ADGRB3: variants seen among roughly 807,000 people sequenced by gnomAD.
The protein encoded by ADGRB3 is brain-specific angiogenesis inhibitor 3.
In ADGRB3, 37 loss-of-function variants were observed where a neutral mutation model predicts 193.4. That is an observed-to-expected ratio of 0.19 (90% CI 0.15 to 0.25). The LOEUF is 0.25. ADGRB3 is among the 10% of genes least tolerant of loss of function. ADGRB3 has a pLI of 1.00. For missense variants in ADGRB3, 1,637 were observed against 1,852.9 expected, an observed-to-expected ratio of 0.88 and a Z score of 2.14; for synonymous variants, 690 against 644.2, an observed-to-expected ratio of 1.07 and a Z score of -1.08.
intron 3 of ADGRB3, among the ~76,000 whole-genome samples, chr6:68,713,186 G>A (rs1765433540): frequency 6.6e-6 from 1 of 151,780 alleles, no homozygotes; most frequent in South Asian, 2.1e-4. Flanking sequence ...CACCATGATG[G>A]AAATAAAATG....
At chr6:68,996,315 C>A (rs1014664365) in intron 11 of ADGRB3, among the ~76,000 whole-genome samples, 1 of 152,106 alleles carries the variant, frequency 6.6e-6, no homozygotes, top group Non-Finnish European at 1.5e-5. Flanking sequence ...ATTTCTGTGG[C>A]CTCTTCCTTT....
At chr6:68,927,813 A>G (rs1191740571) in intron 3 of ADGRB3, among the ~76,000 whole-genome samples, 1 of 152,144 alleles carries the variant, frequency 6.6e-6, no homozygotes, top group Non-Finnish European at 1.5e-5. Context: ...TAGTTACATC[A>G]GGACCTCATA....
At chr6:68,966,022 T>A (rs1198705213) in intron 8 of ADGRB3, among the ~76,000 whole-genome samples, 2 of 152,200 alleles carry the variant, frequency 1.3e-5, no homozygotes, top group Non-Finnish European at 2.9e-5. Flanking sequence ...CCTAGATATG[T>A]CAAACTCAAA....
In ADGRB3 at chr6:68,638,717, C is replaced by T. The variant is rs1461216725; in HGVS notation, c.42C>T (p.Thr14=). 3 of 1,614,064 alleles carry T rather than the reference C, an allele frequency of 1.9e-6. No homozygotes were observed. In the African/African-American group the frequency reaches 4.0e-5, roughly 22 times the overall value. The change falls in exon 3 of 32, where the codon ACC becomes ACT. Residue 14 remains threonine, a synonymous_variant. Transcript: ENST00000370598. ...ACCTGCTGATTTATATATTTTCCACCTATCTCCTGGTTATGTTTGGATTTA... is the reference window on the plus strand; with the variant it reads ...ACCTGCTGATTTATATATTTTCCACTTATCTCCTGGTTATGTTTGGATTTA... ...VRNLLIYIFS[T]YLLVMFGFNA...
chr6:68,647,425 T>C (rs1042670507), intron 3 of ADGRB3, among the ~76,000 whole-genome samples: 3 of 152,182 alleles, frequency 2.0e-5, no homozygotes, highest in African/African-American at 7.2e-5. Context: ...GGAAACTTTG[T>C]TTTTATTCTT....
intron 17 of ADGRB3, among the ~76,000 whole-genome samples, chr6:69,225,820 C>T (rs77583104): frequency 0.091 from 13,922 of 152,214 alleles, 691 homozygotes; most frequent in Middle Eastern, 0.24. Context: ...GTGTTATTCA[C>T]CACAACACCT....
At chr6:69,047,555 A>G (rs1190211801) in intron 13 of ADGRB3, among the ~76,000 whole-genome samples, 1 of 151,774 alleles carries the variant, frequency 6.6e-6, no homozygotes, top group Admixed American at 6.6e-5. Context: ...AATTTTAGAG[A>G]GAAGTTTTAA....
intron 17 of ADGRB3, among the ~76,000 whole-genome samples, chr6:69,084,871 T>C (rs1772500975): frequency 6.6e-6 from 1 of 152,064 alleles, no homozygotes; most frequent in Non-Finnish European, 1.5e-5. Flanking sequence ...GTGACTAAAG[T>C]ATGGGAGGTG....
chr6:69,197,371 G>A (rs934789986), intron 17 of ADGRB3, among the ~76,000 whole-genome samples: 45 of 151,572 alleles, frequency 3.0e-4, no homozygotes, highest in African/African-American at 1.0e-3. Context: ...TTTATGTTGG[G>A]GCCTAAATAT....
chr6:69,145,019 G>A (rs944298954), intron 17 of ADGRB3, among the ~76,000 whole-genome samples: 8 of 152,088 alleles, frequency 5.3e-5, no homozygotes, highest in Admixed American at 2.6e-4. Flanking sequence ...GTTTGGAATA[G>A]TTTGAGTAGG....
intron 19 of ADGRB3, among the ~76,000 whole-genome samples, chr6:69,236,180 T>G (rs1331120219): frequency 2.0e-5 from 3 of 152,002 alleles, no homozygotes; most frequent in Non-Finnish European, 2.9e-5. Context: ...TCATTATAAT[T>G]TTTACTCTTT....
At chr6:68,692,227 A>T (rs535496212) in intron 3 of ADGRB3, among the ~76,000 whole-genome samples, 1 of 152,044 alleles carries the variant, frequency 6.6e-6, no homozygotes, top group African/African-American at 2.4e-5. Flanking sequence ...ATCACTTGCA[A>T]TCAGTTTTTA....
At chr6:69,285,287 C>G (rs540104085) in intron 20 of ADGRB3, among the ~76,000 whole-genome samples, 1 of 152,258 alleles carries the variant, frequency 6.6e-6, no homozygotes, top group African/African-American at 2.4e-5. Flanking sequence ...GTCTAGTCTC[C>G]CTTACCTCTG....
chr6:69,349,525 ATAAT>A (rs761556599), intron 26 of ADGRB3, among the ~76,000 whole-genome samples: 43 of 152,186 alleles, frequency 2.8e-4, no homozygotes, highest in African/African-American at 1.0e-3. Flanking sequence ...GAAGTCACTC[ATAAT>A]TCATTCATGT....
chr6:68,789,100 CTT>C (rs1228591514), intron 3 of ADGRB3, among the ~76,000 whole-genome samples: 5 of 151,966 alleles, frequency 3.3e-5, no homozygotes, highest in Non-Finnish European at 5.9e-5. Context: ...GGTCTTGACT[CTT>C]TATCCAATTT....
At chr6:68,861,943 A>C (rs1429570808) in intron 3 of ADGRB3, among the ~76,000 whole-genome samples, 1 of 152,166 alleles carries the variant, frequency 6.6e-6, no homozygotes, top group African/African-American at 2.4e-5. Flanking sequence ...GAGCTAGATT[A>C]GTTTATGGTA....
At chr6:68,944,947 C>G (rs1389643855) in intron 6 of ADGRB3, among the ~76,000 whole-genome samples, 1 of 152,136 alleles carries the variant, frequency 6.6e-6, no homozygotes, top group Non-Finnish European at 1.5e-5. Flanking sequence ...ATGCAAGCAA[C>G]ATAGCTGGGA....
intron 3 of ADGRB3, among the ~76,000 whole-genome samples, chr6:68,767,438 A>C (rs924211795): frequency 1.1e-4 from 16 of 152,184 alleles, no homozygotes; most frequent in Non-Finnish European, 7.3e-5. Context: ...AATGACAAAA[A>C]CTACATGATT....
chr6:69,284,454 G>C (rs555184526), intron 20 of ADGRB3, among the ~76,000 whole-genome samples: 25 of 152,112 alleles, frequency 1.6e-4, no homozygotes, highest in African/African-American at 5.5e-4. Flanking sequence ...TTTCTACCGA[G>C]GCAATTTAAA....
Sources: allele counts gnomAD v4.1 joint callset (sites outside exome capture counted in the v4.1 genomes callset), GRCh38; gene constraint gnomAD v4.1.1; transcripts MANE v1.5; gene names NCBI Gene and HGNC (gene_info 2026-07-23, HGNC 2026-07-21).